IRAK1BP1: variants seen among roughly 807,000 people sequenced by gnomAD.
The protein encoded by IRAK1BP1 is interleukin-1 receptor-associated kinase 1-binding protein 1.
Under a neutral mutation model 28.0 loss-of-function variants are expected in IRAK1BP1, and 24 were observed. The ratio of observed to expected loss-of-function variants is 0.86; its 90% CI spans 0.62 to 1.20. The LOEUF (loss-of-function observed/expected upper bound fraction) is 1.20. Ranked by LOEUF, IRAK1BP1 falls within the 50% of genes most tolerant of loss-of-function variation. The pLI is 0.00. For missense variants in IRAK1BP1, 336 were observed against 316.7 expected (o/e 1.06, Z -0.46); for synonymous variants, 131 against 116.3 (o/e 1.13, Z -0.81).
At chr6:78,968,548 A>T in the IRAK1BP1 span, among the ~76,000 whole-genome samples, 8 of 152,226 alleles carry the variant, frequency 5.3e-5, no homozygotes, top group African/African-American at 1.9e-4. Context: ...GTATCCATGG[A>T]GGTCCTGGAA....
chr6:78,896,755 T>C (rs1771897777), intron 2 of IRAK1BP1, among the ~76,000 whole-genome samples: 1 of 151,554 alleles, frequency 6.6e-6, no homozygotes, highest in Non-Finnish European at 1.5e-5. Flanking sequence ...AACCCAGGGG[T>C]TGAGGCTGCA....
intron 4 of IRAK1BP1, among the ~76,000 whole-genome samples, chr6:78,924,645 T>A (rs1227804739): frequency 6.6e-6 from 1 of 152,200 alleles, no homozygotes; most frequent in African/African-American, 2.4e-5. Flanking sequence ...ATATCCCTGA[T>A]GAACATTGAT....
intron 1 of IRAK1BP1, among the ~76,000 whole-genome samples, chr6:78,880,416 G>A (rs1771184623): frequency 6.6e-6 from 1 of 152,160 alleles, no homozygotes; most frequent in South Asian, 2.1e-4. Flanking sequence ...TGCTCAACCT[G>A]TGTTACCAAA....
intron 4 of IRAK1BP1, among the ~76,000 whole-genome samples, chr6:78,921,724 A>T (rs1772736012): frequency 2.0e-5 from 3 of 152,114 alleles, no homozygotes; most frequent in African/African-American, 7.2e-5. Flanking sequence ...TCTGAGACAA[A>T]ACTTCCAGAG....
chr6:78,926,699 A>G (rs886868157), intron 4 of IRAK1BP1, among the ~76,000 whole-genome samples: 1 of 151,850 alleles, frequency 6.6e-6, no homozygotes, highest in African/African-American at 2.4e-5. Flanking sequence ...ACACCCTCCC[A>G]CTACATTTCT....
intron 4 of IRAK1BP1, among the ~76,000 whole-genome samples, chr6:78,925,209 A>G (rs1211328022): frequency 6.6e-6 from 1 of 152,142 alleles, no homozygotes; most frequent in Non-Finnish European, 1.5e-5. Context: ...TGGGAGATAT[A>G]CCTAATGTTA....
chr6:78,945,770 C>T (rs192343114), exon 5 of IRAK1BP1: 88 of 587,776 alleles, frequency 1.5e-4, no homozygotes, highest in Non-Finnish European at 2.1e-5. Context: ...GATTTAAATT[C>T]AGGTAGTTTA....
chr6:78,929,023 C>T (rs954461380), intron 4 of IRAK1BP1, among the ~76,000 whole-genome samples: 2 of 152,246 alleles, frequency 1.3e-5, no homozygotes, highest in Admixed American at 6.5e-5. Context: ...ATACTGGCCT[C>T]ATAGTATGAG....
chr6:78,965,076 C>A, the IRAK1BP1 span, among the ~76,000 whole-genome samples: 2 of 152,230 alleles, frequency 1.3e-5, no homozygotes, highest in African/African-American at 2.4e-5. Flanking sequence ...TTATTAAATC[C>A]TGAATGTGTC....
chr6:78,871,882 A>T (rs1364182003), intron 1 of IRAK1BP1: 1 of 519,688 alleles, frequency 1.9e-6, no homozygotes, highest in Non-Finnish European at 3.4e-6. Flanking sequence ...TTGGCACTTC[A>T]CATTTGTGTG....
Position 78,900,495 on chromosome 6 carries a change from A to C in IRAK1BP1, c.*2161A>C, listed in dbSNP as rs1200426656. The C allele has an allele frequency of 2.0e-5, 3 of 152,122 alleles. No individual in the cohort carries two copies. Among genetic ancestry groups the C allele is most frequent in the Non-Finnish European group, 4.4e-5 (3 of 68,004 alleles). The allele number at this position is 152,122 out of a possible 1,614,324, so 9.4% of individuals were successfully genotyped here. A position where few individuals can be genotyped will look rare whatever the true frequency, so the allele number is the denominator to read the frequency against. Reference sequence around the variant, plus strand: ...TGGAGTGTTGCTGTAGGGGAAGAGTAGAAGCTAAGAAGAGTTTGAGTTCAA... The same window carrying C: ...TGGAGTGTTGCTGTAGGGGAAGAGTCGAAGCTAAGAAGAGTTTGAGTTCAA... On this transcript the variant is annotated 3_prime_UTR_variant, in exon 4 of 4. Coordinates refer to ENST00000369940, the MANE Select transcript of IRAK1BP1 (RefSeq NM_001010844.4).
downstream of IRAK1BP1, among the ~76,000 whole-genome samples, chr6:78,905,987 T>TA (rs1772251928): frequency 6.6e-6 from 1 of 152,150 alleles, no homozygotes; most frequent in African/African-American, 2.4e-5. Context: ...GAAAGAAAAG[T>TA]AAAAATCTAA....
At chr6:78,979,162 T>C in the IRAK1BP1 span, among the ~76,000 whole-genome samples, 1 of 152,216 alleles carries the variant, frequency 6.6e-6, no homozygotes, top group East Asian at 1.9e-4. Flanking sequence ...CCGTGTCTAC[T>C]GAGAGATGAC....
intron 4 of IRAK1BP1, chr6:78,935,746 C>T (rs1773251651): frequency 1.0e-5 from 10 of 985,224 alleles, no homozygotes; most frequent in Non-Finnish European, 1.2e-5. Context: ...CCAGCATTTA[C>T]ATAATGGTAT....
chr6:78,949,380 A>G (rs1774010149), downstream of IRAK1BP1, among the ~76,000 whole-genome samples: 1 of 152,094 alleles, frequency 6.6e-6, no homozygotes, highest in African/African-American at 2.4e-5. Flanking sequence ...AATCCCAAGT[A>G]TAAAGCCACA....
chr6:78,913,976 A>G (rs1056583795), intron 4 of IRAK1BP1, among the ~76,000 whole-genome samples: 4 of 152,238 alleles, frequency 2.6e-5, no homozygotes, highest in African/African-American at 9.6e-5. Context: ...TCACAACATT[A>G]TACTAAGCTA....
rs759222682 is a variant in IRAK1BP1, at chr6:78,867,800, G to A, written c.224G>A (p.Ser75Asn). The change falls in exon 1 of 4, where the codon AGC becomes AAC. Residue 75 changes from serine (S) to asparagine (N), a missense_variant. Coordinates refer to ENST00000369940, the MANE Select transcript of IRAK1BP1 (RefSeq NM_001010844.4). ...CGGGCGCAGGTGGTGGTGCGAGTGA[G>A]CAGCACCAAGGAGGCGGCAGCCGAG... ...PDRAQVVVRV[S>N]STKEAAAEAK... The A allele has an allele frequency of 1.5e-4, 236 of 1,613,444 alleles. No homozygotes were observed. The highest frequency in any genetic ancestry group is 1.9e-4 in the Non-Finnish European group (225 of 1,179,760).
intron 4 of IRAK1BP1, among the ~76,000 whole-genome samples, chr6:78,944,132 C>G (rs1773672183): frequency 6.6e-6 from 1 of 151,704 alleles, no homozygotes; most frequent in Non-Finnish European, 1.5e-5. Flanking sequence ...AGACATTCCC[C>G]CAAAAGGAGA....
intron 4 of IRAK1BP1, among the ~76,000 whole-genome samples, chr6:78,927,822 T>C (rs773647067): frequency 2.0e-5 from 3 of 152,184 alleles, no homozygotes; most frequent in Non-Finnish European, 4.4e-5. Context: ...CCTTGCACGT[T>C]TGTCAAAAAT....
Sources: allele counts gnomAD v4.1 joint callset (sites outside exome capture counted in the v4.1 genomes callset), GRCh38; gene constraint gnomAD v4.1.1; transcripts MANE v1.5; gene names NCBI Gene and HGNC (gene_info 2026-07-23, HGNC 2026-07-21).